The following CSMD3 variants were observed in gnomAD, a reference collection of about 807,000 sequenced individuals.
CSMD3 encodes CUB and sushi domain-containing protein 3.
CSMD3 carries 177 observed loss-of-function variants against 435.2 expected under a neutral mutation model. That is an observed-to-expected ratio of 0.41 (90% CI 0.36 to 0.46). The LOEUF is 0.46. CSMD3 is among the 20% of genes least tolerant of loss of function. The pLI, the probability that CSMD3 is intolerant of heterozygous loss-of-function variation, is 0.34. For synonymous variants in CSMD3, 1,656 were observed against 1,520.5 expected, an observed-to-expected ratio of 1.09 and a Z score of -2.07; for missense variants, 4,265 against 4,504.6, an observed-to-expected ratio of 0.95 and a Z score of 1.52.
At chr8:113,236,729 C>A (rs1268071631) in intron 3 of CSMD3, among the ~76,000 whole-genome samples, 1 of 152,118 alleles carries the variant, frequency 6.6e-6, no homozygotes, top group Non-Finnish European at 1.5e-5. Flanking sequence ...AGCATCCCAG[C>A]TTGCAGACAG....
intron 13 of CSMD3, 146 bp from the exon 14 acceptor site, chr8:112,690,196 C>T (rs2076100883): frequency 3.1e-6 from 2 of 641,630 alleles, no homozygotes; most frequent in Non-Finnish European, 5.4e-6. Context: ...TTTTTTTGGC[C>T]ATTCTTACAG....
chr8:113,411,044 G>T (rs1394084594), intron 1 of CSMD3, among the ~76,000 whole-genome samples: 3 of 151,124 alleles, frequency 2.0e-5, no homozygotes, highest in African/African-American at 7.3e-5. Context: ...AGAAAGAAGA[G>T]GAGAAAGATA....
At chr8:112,755,330 C>T (rs1396441055) in intron 13 of CSMD3, among the ~76,000 whole-genome samples, 2 of 70,432 alleles carry the variant, frequency 2.8e-5, no homozygotes, top group African/African-American at 1.1e-4. Flanking sequence ...GACTCCGTCT[C>T]AAATAATAAT....
intron 23 of CSMD3, among the ~76,000 whole-genome samples, chr8:112,580,823 G>A (rs1830287373): frequency 6.6e-6 from 1 of 152,048 alleles, no homozygotes; most frequent in South Asian, 2.1e-4. Context: ...AGGACAAAAT[G>A]CACTTTTTAT....
chr8:112,965,198 G>T (rs2084371866), intron 7 of CSMD3, among the ~76,000 whole-genome samples: 1 of 151,914 alleles, frequency 6.6e-6, no homozygotes, highest in South Asian at 2.1e-4. Context: ...CAAAGAAAAA[G>T]ATTTAAAAGT....
At chr8:113,064,398 T>C (rs1194549179) in intron 5 of CSMD3, among the ~76,000 whole-genome samples, 1 of 152,080 alleles carries the variant, frequency 6.6e-6, no homozygotes, top group Non-Finnish European at 1.5e-5. Context: ...ATATAACTTA[T>C]TTAACATGTT....
At chr8:112,291,737 A>T in intron 55 of CSMD3, 42 bp from the exon 56 acceptor site, 1 of 1,253,310 alleles carries the variant, frequency 8.0e-7, no homozygotes, top group South Asian at 1.2e-5. Context: ...TTGGAATAAT[A>T]TACATATACC....
In CSMD3 at chr8:112,247,095, G is replaced by A. The variant is rs748245096; in HGVS notation, c.10147C>T (p.His3383Tyr). Residue 3383 changes from histidine to tyrosine, a missense_variant, in exon 64 of 71, where the codon CAC becomes TAC. His to Tyr is a moderately conservative substitution (Grantham distance 83). This residue lies in a region of CSMD3 where 3,255 missense variants were observed against 3,380.2 expected (regional missense o/e 0.96). Transcript: ENST00000297405. Reference protein sequence around the residue: ...SVVQFHCKKGHLLQGSTTRTC... With the variant: ...SVVQFHCKKGYLLQGSTTRTC... The stretch of plus-strand genomic sequence containing the variant: ...CGTGTTGTAGACCCTTGGAGAAGGT[G>A]TCCTTTTTTGCAATGGAACTGTACA... 1 of 1,613,748 alleles carries A rather than the reference G, an allele frequency of 6.2e-7. No individual in the cohort carries two copies. Among genetic ancestry groups the A allele is most frequent in the East Asian group, 2.2e-5 (1 of 44,832 alleles).
At chr8:112,230,156 GA>G (rs1264112646) in intron 69 of CSMD3, among the ~76,000 whole-genome samples, 1 of 152,118 alleles carries the variant, frequency 6.6e-6, no homozygotes, top group Admixed American at 6.5e-5. Flanking sequence ...TTCTTAAAAG[GA>G]AATAGTTCCT....
intron 35 of CSMD3, among the ~76,000 whole-genome samples, chr8:112,406,044 C>T (rs1486248009): frequency 3.3e-5 from 5 of 151,830 alleles, no homozygotes; most frequent in African/African-American, 1.2e-4. Flanking sequence ...TGGATTGTCG[C>T]AACACAATGA....
At chr8:113,291,683 G>A (rs890191962) in intron 2 of CSMD3, among the ~76,000 whole-genome samples, 1 of 151,802 alleles carries the variant, frequency 6.6e-6, no homozygotes, top group African/African-American at 2.4e-5. Flanking sequence ...AGCCACCAGT[G>A]TATCAGATAC....
intron 59 of CSMD3, among the ~76,000 whole-genome samples, chr8:112,267,246 C>T (rs1189638319): frequency 6.6e-6 from 1 of 152,100 alleles, no homozygotes; most frequent in Non-Finnish European, 1.5e-5. Flanking sequence ...AATTAAACAA[C>T]ATCATTCAGA....
At chr8:112,490,364 T>A (rs1356845841) in intron 31 of CSMD3, among the ~76,000 whole-genome samples, 8 of 152,186 alleles carry the variant, frequency 5.3e-5, no homozygotes, top group Non-Finnish European at 1.0e-4. Flanking sequence ...TTAAGTATAC[T>A]TAATTGGGCC....
intron 32 of CSMD3, among the ~76,000 whole-genome samples, chr8:112,456,961 C>T (rs1816897971): frequency 6.6e-6 from 1 of 151,970 alleles, no homozygotes. Flanking sequence ...GGATGTGTTC[C>T]TGAGAAATTA....
At chr8:113,310,353 G>A (rs547581431) in intron 2 of CSMD3, 3 of 151,738 alleles carry the variant, frequency 2.0e-5, no homozygotes, top group African/African-American at 7.2e-5. Context: ...TTAAATAAAT[G>A]GATAATATAT....
At chr8:113,297,208 G>A (rs1187073385) in intron 2 of CSMD3, among the ~76,000 whole-genome samples, 3 of 152,014 alleles carry the variant, frequency 2.0e-5, no homozygotes, top group Non-Finnish European at 4.4e-5. Flanking sequence ...TAGAAATATA[G>A]ATAAGATACT....
intron 31 of CSMD3, among the ~76,000 whole-genome samples, chr8:112,474,839 T>G (rs1430369873): frequency 6.6e-6 from 1 of 152,230 alleles, no homozygotes; most frequent in Admixed American, 6.5e-5. Flanking sequence ...CTTTTTTCTT[T>G]AATGTTCTAT....
At chr8:112,511,632 C>T (rs537733509) in intron 28 of CSMD3, among the ~76,000 whole-genome samples, 3 of 151,992 alleles carry the variant, frequency 2.0e-5, no homozygotes, top group Admixed American at 6.6e-5. Flanking sequence ...CCTTGTGATC[C>T]GCTCGTCTCG....
At chr8:112,339,264 TTGCAACCAATCAGATA>T (rs1293960057) in intron 42 of CSMD3, among the ~76,000 whole-genome samples, 2 of 151,790 alleles carry the variant, frequency 1.3e-5, no homozygotes, top group Non-Finnish European at 2.9e-5. Flanking sequence ...TGGTTGCTTT[TTGCAACCAATCAGATA>T]TTTGCACAGG....
Sources: gnomAD v4.1 joint callset for allele counts (sites outside exome capture counted in the v4.1 genomes callset) on GRCh38, gnomAD v4.1.1 for gene constraint, gnomAD v4.1.1 regional missense constraint, MANE v1.5 for transcripts, NCBI Gene and HGNC (gene_info 2026-07-23, HGNC 2026-07-21) for gene names.